Variants in LARP1B observed in about 807,000 individuals in gnomAD.
LARP1B encodes la-related protein 1B.
In LARP1B, 76 loss-of-function variants were observed where a neutral mutation model predicts 114.2. That is an observed-to-expected ratio of 0.67 (90% CI 0.55 to 0.81). The LOEUF (loss-of-function observed/expected upper bound fraction) is 0.81, where lower values mean the gene tolerates loss of function less well. Among genes scored for constraint, LARP1B ranks in the 30% least tolerant of loss-of-function variants. The probability of loss-of-function intolerance (pLI) is 0.00; values close to 1 mark genes in which losing one functional copy is unlikely to be tolerated. For missense variants in LARP1B, 1,014 were observed against 1,075.8 expected, an observed-to-expected ratio of 0.94 and a Z score of 0.80; for synonymous variants, 345 against 348.0, an observed-to-expected ratio of 0.99 and a Z score of 0.10.
intron 3 of LARP1B, 105 bp downstream of exon 3, chr4:128,075,098 G>A: frequency 1.2e-6 from 1 of 800,946 alleles, no homozygotes; most frequent in Non-Finnish European, 2.1e-6. Flanking sequence ...TCATACTGGG[G>A]GACAGATTTT....
intron 9 of LARP1B, chr4:128,108,377 T>G (rs1782813225): frequency 1.0e-6 from 1 of 988,172 alleles, no homozygotes; most frequent in African/African-American, 1.7e-5. Flanking sequence ...ACTCAGATAT[T>G]GTCATGATGT....
rs912474709 is a variant in LARP1B, at chr4:128,129,814, C to T, written c.1524+7626C>T. 4.7e-5 allele frequency among the ~76,000 whole-genome samples: 7 copies of T among 150,110 alleles called. No homozygotes were observed. The South Asian group carries it at 1.5e-3, about 32-fold the overall frequency. ...CACAAATGGTGCTAGAACAGCTGAG[C>T]ATTGAGGTGAAAAAAAAAAAATGAA... is the stretch of plus-strand genomic sequence containing the variant. On this transcript the variant is annotated intron_variant, in intron 11 of 19. Transcript: ENST00000326639.
chr4:128,173,610 C>A (rs1382111114), intron 12 of LARP1B, among the ~76,000 whole-genome samples: 1 of 152,024 alleles, frequency 6.6e-6, no homozygotes, highest in Admixed American at 6.6e-5. Flanking sequence ...TTAGCACACC[C>A]CTTCAGTGGT....
chr4:128,178,504 G>A lies in LARP1B; in HGVS notation c.1758G>A (p.Leu586=). 1 of 1,613,902 alleles carries A rather than the reference G, an allele frequency of 6.2e-7. No individual in the cohort carries two copies. The highest frequency in any genetic ancestry group is 8.5e-7 in the Non-Finnish European group (1 of 1,179,942). Residue 586 remains leucine (L), a synonymous_variant, in exon 14 of 20, where the codon TTG becomes TTA. Transcript: ENST00000326639. ...EITSAAMVHS[L]PTAVPESPRI... ...CTTCAGCAGCAATGGTTCATTCGTT[G>A]CCTACAGCAGTTCCAGAATCTCCTA... is the stretch of plus-strand genomic sequence containing the variant.
chr4:128,065,817 T>C (rs1762569684), intron 1 of LARP1B, among the ~76,000 whole-genome samples: 1 of 152,060 alleles, frequency 6.6e-6, no homozygotes, highest in Admixed American at 6.6e-5. Context: ...AATAAATACA[T>C]TTTACATTAG....
downstream of LARP1B, among the ~76,000 whole-genome samples, chr4:128,213,085 A>G (rs1428704299): frequency 2.0e-5 from 3 of 151,558 alleles, no homozygotes; most frequent in Non-Finnish European, 4.4e-5. Context: ...TGCCCGGCTA[A>G]TTTTGTATTT....
chr4:128,065,247 C>CAATTAATT, intron 1 of LARP1B, among the ~76,000 whole-genome samples: 1 of 123,466 alleles, frequency 8.1e-6, no homozygotes, highest in East Asian at 2.9e-4. Context: ...TGTTCTCCCA[C>CAATTAATT]AATTAATTTC....
chr4:128,069,430 G>A (rs540804745), intron 1 of LARP1B: 3 of 760,556 alleles, frequency 3.9e-6, no homozygotes, highest in African/African-American at 1.7e-5. Context: ...CCACCATGGC[G>A]AACACGAATC....
chr4:128,174,081 A>G (rs1744935223), intron 12 of LARP1B, among the ~76,000 whole-genome samples: 1 of 152,160 alleles, frequency 6.6e-6, no homozygotes, highest in Non-Finnish European at 1.5e-5. Context: ...ATGTCATTGC[A>G]TGTATCAGTA....
At chr4:128,207,127 C>T in intron 18 of LARP1B, 129 bp from the exon 19 acceptor site, 1 of 456,620 alleles carries the variant, frequency 2.2e-6, no homozygotes, top group Non-Finnish European at 3.7e-6. Context: ...CATTACATGT[C>T]TTATTCTCAA....
intron 1 of LARP1B, chr4:128,062,251 G>T: frequency 1.0e-6 from 1 of 985,466 alleles, no homozygotes; most frequent in African/African-American, 1.7e-5. Context: ...GGCACTGGCA[G>T]GGTGCGGGCA....
chr4:128,120,324 G>A (rs1358460719), intron 10 of LARP1B, among the ~76,000 whole-genome samples: 2 of 152,078 alleles, frequency 1.3e-5, no homozygotes, highest in Non-Finnish European at 1.5e-5. Context: ...GCCAGAGGAC[G>A]AAAAATGAAT....
At chr4:128,186,282 T>C (rs1750318698) in intron 15 of LARP1B, among the ~76,000 whole-genome samples, 1 of 152,180 alleles carries the variant, frequency 6.6e-6, no homozygotes, top group African/African-American at 2.4e-5. Context: ...ACAATGTTAA[T>C]TTTTCCAATC....
chr4:128,122,435 CTTG>C lies in LARP1B; in HGVS notation c.1524+250_1524+252del, dbSNP rs1251977619. ...AAATTAGTACTCACTGACTTATACCCTTGTTTTTTTTTTTTTTTGTTTTGTTTT... is the reference window on the plus strand; with the variant it reads ...AAATTAGTACTCACTGACTTATACCCTTTTTTTTTTTTTTTGTTTTGTTTT... On this transcript the variant is annotated intron_variant, in intron 11 of 19. Transcript: ENST00000326639. 4.3e-6 allele frequency: 6 copies of C among 1,399,710 alleles called. No homozygotes were observed. The African/African-American group carries it at 7.8e-5, about 18-fold the overall frequency. 86.7% of individuals were successfully genotyped at this position (1,399,710 alleles called of 1,614,324 possible).
chr4:128,155,754 TAGGAACTGGAGGA>T (rs1482980025), intron 11 of LARP1B: 2 of 1,607,148 alleles, frequency 1.2e-6, no homozygotes, highest in East Asian at 2.2e-5. Context: ...CGGCCAAGTG[TAGGAACTGGAGGA>T]AGGAACTGAC....
intron 11 of LARP1B, among the ~76,000 whole-genome samples, chr4:128,144,685 A>G (rs922489849): frequency 5.9e-5 from 9 of 152,058 alleles, no homozygotes; most frequent in Non-Finnish European, 1.2e-4. Context: ...TGTATTTATC[A>G]TTCTGTCTTA....
At chr4:128,126,523 C>A (rs1239306348) in intron 11 of LARP1B, among the ~76,000 whole-genome samples, 3 of 152,010 alleles carry the variant, frequency 2.0e-5, no homozygotes, top group Non-Finnish European at 4.4e-5. Context: ...AGAAGAAATC[C>A]TAAAGAATAA....
At chr4:128,089,161 A>G (rs995670910) in intron 5 of LARP1B, among the ~76,000 whole-genome samples, 1 of 152,094 alleles carries the variant, frequency 6.6e-6, no homozygotes, top group Non-Finnish European at 1.5e-5. Flanking sequence ...GGTGGTGGTC[A>G]TGGATGATGC....
intron 11 of LARP1B, among the ~76,000 whole-genome samples, chr4:128,152,551 GTTT>G: frequency 6.6e-6 from 1 of 151,230 alleles, no homozygotes; most frequent in South Asian, 2.1e-4. Context: ...TTAGGTTAAT[GTTT>G]TTTATTTTTT....
Sources: gnomAD v4.1 joint callset for allele counts (sites outside exome capture counted in the v4.1 genomes callset) on GRCh38, gnomAD v4.1.1 for gene constraint, MANE v1.5 for transcripts, NCBI Gene and HGNC (gene_info 2026-07-23, HGNC 2026-07-21) for gene names.